Variants in NCOA4 observed in about 807,000 individuals in gnomAD.
NCOA4 encodes nuclear receptor coactivator 4, also known as 70 kDa AR-activator.
A neutral mutation model predicts 69.5 loss-of-function variants in NCOA4; 31 were observed. The observed-to-expected ratio is 0.45, with a 90% confidence interval of 0.34 to 0.60. NCOA4 has a LOEUF of 0.60. NCOA4 is among the 20% of genes least tolerant of loss of function. NCOA4 has a pLI of 0.02. For missense variants in NCOA4, 600 were observed against 719.2 expected, an observed-to-expected ratio of 0.83 and a Z score of 1.90; for synonymous variants, 228 against 252.4, an observed-to-expected ratio of 0.90 and a Z score of 0.92.
intron 1 of NCOA4, chr10:46,019,599 A>G (rs1262667120): frequency 1.3e-6 from 1 of 787,022 alleles, no homozygotes; most frequent in Non-Finnish European, 1.5e-6. Flanking sequence ...CGGGAGACAA[A>G]CTCAAATACA....
At position 46,014,515 on chromosome 10, in the gene NCOA4, C is replaced by G. The variant is rs782003431; in HGVS notation, c.409G>C (p.Val137Leu). Residue 137 changes from valine to leucine, a missense_variant, in exon 5 of 10, where the codon GTC (valine) becomes CTC (leucine). Transcript: ENST00000581486. ...ATTGTGTCAGCTTCAAAGAGCAGGA[C>G]AGTTGAATCTTCAGGCTTAAGGGTC... The part of the protein sequence containing the change: ...SLTLKPEDST[V>L]LLFEADTITL... The G allele has an allele frequency of 6.2e-7, 1 of 1,613,746 alleles. No homozygotes were observed. Among genetic ancestry groups the G allele is most frequent in the Non-Finnish European group, 8.5e-7 (1 of 1,179,886 alleles).
At chr10:46,023,461 C>T in intron 1 of NCOA4, 2 of 985,696 alleles carry the variant, frequency 2.0e-6, no homozygotes, top group Non-Finnish European at 2.4e-6. Flanking sequence ...TCCAGTTCGC[C>T]CGGGCCACTA....
rs782504583 is a variant in NCOA4 at position 46,010,546 on chromosome 10, T to C, written c.1375A>G (p.Met459Val). The C allele has an allele frequency of 3.7e-6, 6 of 1,614,226 alleles. No individual in the cohort carries two copies. The highest frequency in any genetic ancestry group is 1.1e-5 in the South Asian group (1 of 91,086). ...EPEKHKDSLN[M>V]WLCPRKEVIE... The stretch of plus-strand genomic sequence containing the variant: ...ACTTCTTTTCTAGGACAGAGCCACA[T>C]ATTCAGGGAATCTTTATGCTTCTCA... Residue 459 changes from methionine (M) to valine (V), a missense_variant, in exon 8 of 10, where the codon ATG becomes GTG. Transcript: ENST00000581486.
intron 9 of NCOA4, among the ~76,000 whole-genome samples, chr10:46,006,806 C>T (rs1554919904): frequency 6.6e-6 from 1 of 152,216 alleles, no homozygotes; most frequent in Admixed American, 6.5e-5. Flanking sequence ...ACCAAACAGC[C>T]TTTCCCTATT....
chr10:46,007,723 T>A (rs1554920173), intron 9 of NCOA4, among the ~76,000 whole-genome samples: 1 of 151,460 alleles, frequency 6.6e-6, no homozygotes, highest in Non-Finnish European at 1.5e-5. Context: ...CCTGAGTAGC[T>A]GGGACTATAG....
intron 2 of NCOA4, among the ~76,000 whole-genome samples, chr10:46,015,835 C>T (rs1340944654): frequency 2.0e-5 from 3 of 152,106 alleles, no homozygotes; most frequent in South Asian, 2.1e-4. Flanking sequence ...GCTAAAAGAC[C>T]ATTAGGGTAG....
rs374998324 is a variant in NCOA4 at position 46,006,611 on chromosome 10, C to T, written c.1840-14G>A. On this transcript the variant is annotated splice_polypyrimidine_tract_variant and intron_variant, in intron 9 of 9. Transcript: ENST00000581486. ...ATTCCTTCACATCTGTAAAGAGACACCCACAGATGATAAGTTACTTCAATG... is the reference window on the plus strand; with the variant it reads ...ATTCCTTCACATCTGTAAAGAGACATCCACAGATGATAAGTTACTTCAATG... 1.5e-5 allele frequency: 25 copies of T among 1,613,732 alleles called. No homozygotes were observed. Among genetic ancestry groups the T allele is most frequent in the Non-Finnish European group, 2.0e-5 (24 of 1,179,742 alleles).
chr10:46,009,488 G>A lies in NCOA4; in HGVS notation c.1762C>T (p.Pro588Ser). The A allele has an allele frequency of 6.2e-7, 1 of 1,611,796 alleles. No homozygotes were observed. Among genetic ancestry groups the A allele is most frequent in the Non-Finnish European group, 8.5e-7 (1 of 1,179,486 alleles). ...CAGGCAAAGAGATCACAAACTGCAGGGAGGCCATAATGGTCTGGGGGGAAG... is the reference window on the plus strand; with the variant it reads ...CAGGCAAAGAGATCACAAACTGCAGAGAGGCCATAATGGTCTGGGGGGAAG... Reference protein sequence around the residue: ...HNFPPDHYGLPAVCDLFACMQ... With the variant: ...HNFPPDHYGLSAVCDLFACMQ... The change falls in exon 9 of 10, where the codon CCT (proline) becomes TCT (serine). Residue 588 changes from proline to serine, a missense_variant. Coordinates refer to ENST00000581486, the MANE Select transcript of NCOA4 (RefSeq NM_001145263.2).
Position 46,006,642 on chromosome 10 carries a change from T to C in NCOA4, c.1840-45A>G, listed in dbSNP as rs1564917231. On this transcript the variant is annotated intron_variant, in intron 9 of 9. Coordinates refer to ENST00000581486, the MANE Select transcript of NCOA4 (RefSeq NM_001145263.2). Reference sequence around the variant, plus strand: ...GATGATAAGTTACTTCAATGAAGAATAAAAGCAAATTTTCCCTGCCTTAAA... The same window carrying C: ...GATGATAAGTTACTTCAATGAAGAACAAAAGCAAATTTTCCCTGCCTTAAA... The C allele has an allele frequency of 4.4e-6, 7 of 1,606,778 alleles. No homozygotes were observed. The African/African-American group carries it at 5.3e-5, about 12-fold the overall frequency.
chr10:46,021,321 G>A (rs1054257310), intron 1 of NCOA4, among the ~76,000 whole-genome samples: 2 of 152,086 alleles, frequency 1.3e-5, no homozygotes, highest in Admixed American at 6.6e-5. Context: ...AAAAATCTTG[G>A]TCATCTCTTT....
intron 2 of NCOA4, 85 bp downstream of exon 2, chr10:46,016,455 C>T (rs1839553615): frequency 2.3e-6 from 3 of 1,277,490 alleles, no homozygotes; most frequent in Non-Finnish European, 3.0e-6. Flanking sequence ...TTTTTGCTGG[C>T]ACGGAGAGAC....
At chr10:46,009,159 T>C (rs1350537992) in intron 9 of NCOA4, 11 of 1,550,932 alleles carry the variant, frequency 7.1e-6, no homozygotes, top group Admixed American at 2.0e-5. Context: ...AGAATCCACA[T>C]GGGATCTGAA....
rs1554921188 is a variant in NCOA4, at chr10:46,010,808, G to T, written c.1113C>A (p.Asp371Glu). 1 of 1,613,920 alleles carries T rather than the reference G, an allele frequency of 6.2e-7. No individual in the cohort carries two copies. The highest frequency in any genetic ancestry group is 2.2e-5 in the East Asian group (1 of 44,876). The part of the protein sequence containing the change: ...ENLGNLKCLN[D>E]HLEAKKPLST... ...ACAATGGTTTCTTGGCCTCCAAGTG[G>T]TCATTCAGGCACTTCAGATTGCCCA... is the stretch of plus-strand genomic sequence containing the variant. Residue 371 changes from aspartate to glutamate, a missense_variant, in exon 8 of 10, where the codon GAC (aspartate) becomes GAA (glutamate). Asp to Glu is a conservative substitution (Grantham distance 45, BLOSUM62 2). Coordinates refer to ENST00000581486, the MANE Select transcript of NCOA4 (RefSeq NM_001145263.2).
intron 1 of NCOA4, among the ~76,000 whole-genome samples, chr10:46,023,839 T>C: frequency 6.6e-6 from 1 of 152,370 alleles, no homozygotes; most frequent in Middle Eastern, 3.4e-3. Flanking sequence ...ACTTCTAGCT[T>C]TCCCTTTTCT....
rs534225975 is a variant in NCOA4 at position 46,008,391 on chromosome 10, G to C, written c.1839+1020C>G. Among the ~76,000 whole-genome samples, 91 of 152,280 alleles carry C rather than the reference G, an allele frequency of 6.0e-4. 1 individual carries two copies. The highest frequency in any genetic ancestry group is 2.1e-3 in the African/African-American group (87 of 41,550). ...ACATTAACAGGAGTTTGGAAGAAAC[G>C]GATTCCCACCCTCATGGATGGCTTG... On this transcript the variant is annotated intron_variant, in intron 9 of 9. Coordinates refer to ENST00000581486, the MANE Select transcript of NCOA4 (RefSeq NM_001145263.2).
rs781986896 is a variant in NCOA4, at chr10:46,011,192, G to A, written c.729C>T (p.Ala243=). 2 of 1,590,062 alleles carry A rather than the reference G, an allele frequency of 1.3e-6. No homozygotes were observed. The highest frequency in any genetic ancestry group is 3.7e-5 in the Admixed American group (2 of 54,052). The part of the protein sequence containing the change: ...TLENSQTSSR[A]CNFFNNVGGN... ...CCCCGACATTATTGAAGAAATTGCAGGCTCTGGAAGAAGTCTACACAAAAA... is the reference window on the plus strand; with the variant it reads ...CCCCGACATTATTGAAGAAATTGCAAGCTCTGGAAGAAGTCTACACAAAAA... The change falls in exon 8 of 10, where the codon GCC becomes GCT. Residue 243 remains alanine (A), a synonymous_variant. Coordinates refer to ENST00000581486, the MANE Select transcript of NCOA4 (RefSeq NM_001145263.2).
rs1030702587 is a variant in NCOA4 at position 46,023,414 on chromosome 10, G to C, written c.-14-6720C>G. Reference sequence around the variant, plus strand: ...TGACCCGAGTGCGAAAGGTCCCCGAGCCCGGGCCTCGTCCCGCCCACGCGT... The same window carrying C: ...TGACCCGAGTGCGAAAGGTCCCCGACCCCGGGCCTCGTCCCGCCCACGCGT... On this transcript the variant is annotated intron_variant, in intron 1 of 9. Transcript: ENST00000581486. The C allele has an allele frequency of 4.1e-6, 4 of 985,608 alleles. No individual in the cohort carries two copies. In the African/African-American group the frequency reaches 7.0e-5, roughly 17 times the overall value. The allele number at this position is 985,608 out of a possible 1,614,324, so 61.1% of individuals were successfully genotyped here.
chr10:46,021,708 C>CCA (rs2132366193), intron 1 of NCOA4, among the ~76,000 whole-genome samples: 1 of 152,288 alleles, frequency 6.6e-6, no homozygotes, highest in African/African-American at 2.4e-5. Context: ...GCCTGTAATC[C>CCA]CAGCACTTTG....
At chr10:46,021,673 G>GTGT (rs2132365936) in intron 1 of NCOA4, among the ~76,000 whole-genome samples, 1 of 151,780 alleles carries the variant, frequency 6.6e-6, no homozygotes, top group South Asian at 2.1e-4. Flanking sequence ...AACAAAAATA[G>GTGT]TACTGGCCGG....
Sources: allele counts gnomAD v4.1 joint callset (sites outside exome capture counted in the v4.1 genomes callset), GRCh38; gene constraint gnomAD v4.1.1; transcripts MANE v1.5; gene names NCBI Gene and HGNC (gene_info 2026-07-23, HGNC 2026-07-21).